Variants in NRXN3 observed in about 807,000 individuals in gnomAD.
NRXN3 encodes neurexin 3.
In NRXN3, 32 loss-of-function variants were observed where a neutral mutation model predicts 137.6. That is an observed-to-expected ratio of 0.23 (90% CI 0.18 to 0.31). The LOEUF (loss-of-function observed/expected upper bound fraction) is 0.31. Ranked by LOEUF, NRXN3 falls within the 10% of genes least tolerant of loss-of-function variation. The probability of loss-of-function intolerance (pLI) is 1.00; values close to 1 mark genes in which losing one functional copy is unlikely to be tolerated. For missense variants in NRXN3, 1,574 were observed against 2,062.5 expected, an observed-to-expected ratio of 0.76 and a Z score of 4.59; for synonymous variants, 798 against 784.5, an observed-to-expected ratio of 1.02 and a Z score of -0.29.
intron 8 of NRXN3, among the ~76,000 whole-genome samples, chr14:78,770,994 G>A (rs2098725836): frequency 2.0e-5 from 3 of 152,198 alleles, no homozygotes; most frequent in African/African-American, 4.8e-5. Context: ...TTCCCAGAGG[G>A]CTCTTTAGCA....
rs533882054 is a variant in NRXN3, at chr14:79,522,679, T to C, written c.3444+55277T>C. Among the ~76,000 whole-genome samples, 9 of 152,326 alleles carry C rather than the reference T, an allele frequency of 5.9e-5. No individual in the cohort carries two copies. The South Asian group carries it at 1.9e-3, about 32-fold the overall frequency. ...TTACAAATCTAGCTGATATTCACTA[T>C]AGTTCTAAAACATTTCCTTCCTTAG... On this transcript the variant is annotated intron_variant, in intron 16 of 20. Transcript: ENST00000335750.
intron 4 of NRXN3, among the ~76,000 whole-genome samples, chr14:78,635,803 A>G (rs1030993568): frequency 2.6e-5 from 4 of 152,208 alleles, no homozygotes; most frequent in Non-Finnish European, 4.4e-5. Flanking sequence ...TCAAAATTCT[A>G]TGTGAAACTT....
At chr14:78,593,694 C>G (rs538611274) in intron 4 of NRXN3, among the ~76,000 whole-genome samples, 6 of 151,866 alleles carry the variant, frequency 4.0e-5, no homozygotes, top group African/African-American at 1.4e-4. Context: ...AGCCAGAGGT[C>G]GAGGAGGGGG....
At chr14:78,312,449 G>C (rs759886956) in intron 4 of NRXN3, among the ~76,000 whole-genome samples, 3 of 152,124 alleles carry the variant, frequency 2.0e-5, no homozygotes, top group Non-Finnish European at 2.9e-5. Flanking sequence ...TGCATGTTGA[G>C]TGCAATAAAG....
At chr14:79,726,457 A>G (rs2098890115) in intron 19 of NRXN3, among the ~76,000 whole-genome samples, 1 of 152,140 alleles carries the variant, frequency 6.6e-6, no homozygotes, top group East Asian at 1.9e-4. Context: ...AGCTTTTTGT[A>G]CTCTGATCAC....
intron 6 of NRXN3, among the ~76,000 whole-genome samples, chr14:78,676,057 C>T (rs2098001630): frequency 6.6e-6 from 1 of 152,146 alleles, no homozygotes; most frequent in South Asian, 2.1e-4. Context: ...AGCTGTTCCT[C>T]CAGCCTTCTC....
chr14:79,431,511 T>C (rs2153553378), intron 15 of NRXN3, among the ~76,000 whole-genome samples: 1 of 152,308 alleles, frequency 6.6e-6, no homozygotes, highest in Non-Finnish European at 1.5e-5. Flanking sequence ...CAATGTTTTA[T>C]ACTTAGAATT....
chr14:78,756,355 G>A (rs2098668240), intron 8 of NRXN3, among the ~76,000 whole-genome samples: 1 of 151,860 alleles, frequency 6.6e-6, no homozygotes, highest in East Asian at 1.9e-4. Flanking sequence ...GGGCATGGTG[G>A]CATGCACCTG....
intron 4 of NRXN3, among the ~76,000 whole-genome samples, chr14:78,385,536 G>T (rs2089845894): frequency 6.6e-6 from 1 of 152,104 alleles, no homozygotes; most frequent in African/African-American, 2.4e-5. Flanking sequence ...AACTTATAGA[G>T]AATAACCTCT....
intron 10 of NRXN3, among the ~76,000 whole-genome samples, chr14:78,918,298 A>AAAAAAAG (rs2099261862): frequency 6.7e-6 from 1 of 149,494 alleles, no homozygotes; most frequent in African/African-American, 2.5e-5. Context: ...AAAAAAAAAA[A>AAAAAAAG]AAAAAAAAAG....
intron 15 of NRXN3, among the ~76,000 whole-genome samples, chr14:79,383,208 G>A (rs892306817): frequency 7.9e-5 from 12 of 152,098 alleles, no homozygotes; most frequent in Non-Finnish European, 7.4e-5. Context: ...TGCATGGGGT[G>A]TAGGGAAATA....
chr14:79,051,721 G>T (rs1424587259), intron 15 of NRXN3, among the ~76,000 whole-genome samples: 1 of 152,200 alleles, frequency 6.6e-6, no homozygotes, highest in African/African-American at 2.4e-5. Flanking sequence ...ACATTTCTCA[G>T]TTTAAACTAG....
At chr14:78,666,042 G>A (rs1248033660) in intron 6 of NRXN3, among the ~76,000 whole-genome samples, 3 of 151,784 alleles carry the variant, frequency 2.0e-5, no homozygotes, top group Non-Finnish European at 2.9e-5. Flanking sequence ...TTCAACTTCC[G>A]AATTACTCAG....
intron 10 of NRXN3, among the ~76,000 whole-genome samples, chr14:78,872,862 T>C (rs2099104859): frequency 6.6e-6 from 1 of 152,170 alleles, no homozygotes; most frequent in Non-Finnish European, 1.5e-5. Context: ...GGTCAGTATA[T>C]AAATTTACAC....
chr14:78,577,044 T>G (rs912430669), intron 4 of NRXN3, among the ~76,000 whole-genome samples: 1 of 152,208 alleles, frequency 6.6e-6, no homozygotes, highest in Non-Finnish European at 1.5e-5. Flanking sequence ...ATTCTTTACT[T>G]GCAGAATACC....
intron 7 of NRXN3, among the ~76,000 whole-genome samples, 184 bp from the exon 8 acceptor site, chr14:78,714,572 G>C (rs2098423168): frequency 6.6e-6 from 1 of 152,196 alleles, no homozygotes. Flanking sequence ...GCTTGACTTA[G>C]CTGGCAGAGA....
chr14:79,550,250 T>C lies in NRXN3; in HGVS notation c.3444+82848T>C, dbSNP rs539367562. ...TTCCAAAGTGCTGGGATTACAGGCA[T>C]GAGCCACCATGCCTGGCCTCAATGT... On this transcript the variant is annotated intron_variant, in intron 16 of 20. Transcript: ENST00000335750. 1.2e-4 allele frequency among the ~76,000 whole-genome samples: 18 copies of C among 152,228 alleles called. No homozygotes were observed. The South Asian group carries it at 2.1e-3, about 18-fold the overall frequency.
At chr14:78,265,550 G>T (rs1009823682) in intron 2 of NRXN3, among the ~76,000 whole-genome samples, 5 of 152,138 alleles carry the variant, frequency 3.3e-5, no homozygotes, top group African/African-American at 1.2e-4. Flanking sequence ...GGCACAAAGA[G>T]TTCAAGGTCA....
At chr14:79,559,095 T>G (rs1224272102) in intron 16 of NRXN3, among the ~76,000 whole-genome samples, 1 of 152,166 alleles carries the variant, frequency 6.6e-6, no homozygotes, top group Non-Finnish European at 1.5e-5. Flanking sequence ...TGAGGCTGGT[T>G]GGATATTCTG....
Sources: allele counts gnomAD v4.1 joint callset (sites outside exome capture counted in the v4.1 genomes callset), GRCh38; gene constraint gnomAD v4.1.1; transcripts MANE v1.5; gene names NCBI Gene and HGNC (gene_info 2026-07-23, HGNC 2026-07-21).